Variants in LINGO2 observed in about 807,000 individuals in gnomAD.
The protein encoded by LINGO2 is leucine-rich repeat and immunoglobulin-like domain-containing nogo receptor-interacting protein 2.
A neutral mutation model predicts 30.6 loss-of-function variants in LINGO2; 14 were observed. That is an observed-to-expected ratio of 0.46 (90% CI 0.30 to 0.72). The LOEUF (loss-of-function observed/expected upper bound fraction) is 0.72, where lower values mean the gene tolerates loss of function less well. LINGO2 is among the 30% of genes least tolerant of loss of function. The pLI is 0.07. For missense variants in LINGO2, 729 were observed against 751.7 expected (o/e 0.97, Z 0.35); for synonymous variants, 317 against 288.5 (o/e 1.10, Z -1.00).
chr9:29,077,108 C>T, the LINGO2 span, among the ~76,000 whole-genome samples: 6 of 151,840 alleles, frequency 4.0e-5, no homozygotes, highest in Admixed American at 2.0e-4. Flanking sequence ...TATTTTATAT[C>T]GCTTTACTTA....
At chr9:27,996,154 T>A (rs1030136156) in intron 5 of LINGO2, among the ~76,000 whole-genome samples, 25 of 152,012 alleles carry the variant, frequency 1.6e-4, no homozygotes, top group African/African-American at 6.0e-4. Flanking sequence ...CTGGTAAGGA[T>A]GTTGAGAAAG....
At chr9:28,104,083 AC>A (rs1190339268) in intron 4 of LINGO2, among the ~76,000 whole-genome samples, 1 of 152,030 alleles carries the variant, frequency 6.6e-6, no homozygotes, top group Non-Finnish European at 1.5e-5. Context: ...TCTGCTGGAC[AC>A]AAAAAGCATC....
the LINGO2 span, among the ~76,000 whole-genome samples, chr9:28,858,181 C>T: frequency 6.6e-6 from 1 of 151,904 alleles, no homozygotes; most frequent in Non-Finnish European, 1.5e-5. Context: ...AATCTGAGTC[C>T]TAAAGATTTC....
intron 4 of LINGO2, among the ~76,000 whole-genome samples, chr9:28,283,698 T>C (rs1823406411): frequency 6.6e-6 from 1 of 152,172 alleles, no homozygotes; most frequent in Non-Finnish European, 1.5e-5. Context: ...CTTCTTCATC[T>C]TGAACATATT....
At chr9:29,071,277 A>C in the LINGO2 span, among the ~76,000 whole-genome samples, 1 of 150,528 alleles carries the variant, frequency 6.6e-6, no homozygotes, top group Non-Finnish European at 1.5e-5. Context: ...CTGCAGCCTC[A>C]AACTCCTGAG....
At chr9:28,379,071 T>C (rs1489863537) in intron 2 of LINGO2, among the ~76,000 whole-genome samples, 1 of 152,088 alleles carries the variant, frequency 6.6e-6, no homozygotes, top group Non-Finnish European at 1.5e-5. Flanking sequence ...GCATGGAAAA[T>C]AATATTTTAA....
intron 4 of LINGO2, among the ~76,000 whole-genome samples, chr9:28,153,421 A>C (rs1828051848): frequency 6.6e-6 from 1 of 152,164 alleles, no homozygotes; most frequent in Non-Finnish European, 1.5e-5. Flanking sequence ...GACCTTGTCT[A>C]GATTATTTAT....
chr9:28,039,343 G>C (rs375561089), intron 4 of LINGO2, among the ~76,000 whole-genome samples: 12 of 152,274 alleles, frequency 7.9e-5, no homozygotes, highest in East Asian at 7.7e-4. Flanking sequence ...TATAAACTAA[G>C]TGCAAAGGTG....
chr9:28,949,455 A>G, the LINGO2 span, among the ~76,000 whole-genome samples: 2 of 152,054 alleles, frequency 1.3e-5, no homozygotes, highest in African/African-American at 4.8e-5. Flanking sequence ...AGAAATACAA[A>G]CTACCATCAG....
chr9:29,010,198 A>C, the LINGO2 span, among the ~76,000 whole-genome samples: 1 of 152,186 alleles, frequency 6.6e-6, no homozygotes, highest in Non-Finnish European at 1.5e-5. Flanking sequence ...AATTAAACTA[A>C]AGAGCTTCTG....
chr9:28,556,776 A>T (rs1822725191), intron 1 of LINGO2, among the ~76,000 whole-genome samples: 1 of 152,052 alleles, frequency 6.6e-6, no homozygotes, highest in South Asian at 2.1e-4. Context: ...CCAAAACAGC[A>T]TGGTACTGGT....
At chr9:28,101,618 A>G (rs891537020) in intron 4 of LINGO2, among the ~76,000 whole-genome samples, 1 of 152,130 alleles carries the variant, frequency 6.6e-6, no homozygotes, top group African/African-American at 2.4e-5. Flanking sequence ...AAGCTTTTCA[A>G]TTAAATCTCC....
the LINGO2 span, among the ~76,000 whole-genome samples, chr9:29,016,395 G>A: frequency 6.6e-6 from 1 of 152,132 alleles, no homozygotes; most frequent in Admixed American, 6.6e-5. Context: ...CTGCTTGTGG[G>A]CTTCATCTTT....
the LINGO2 span, among the ~76,000 whole-genome samples, chr9:28,738,423 T>A: frequency 6.6e-6 from 1 of 152,170 alleles, no homozygotes; most frequent in Non-Finnish European, 1.5e-5. Context: ...TGAACTTAGA[T>A]GTTCAGGGAG....
the LINGO2 span, among the ~76,000 whole-genome samples, chr9:28,795,349 C>T: frequency 6.6e-6 from 1 of 152,166 alleles, no homozygotes; most frequent in South Asian, 2.1e-4. Context: ...TTCAATTTGA[C>T]AGTCTTGTAT....
chr9:27,997,731 T>G (rs1821740125), intron 5 of LINGO2, among the ~76,000 whole-genome samples: 1 of 152,232 alleles, frequency 6.6e-6, no homozygotes, highest in Admixed American at 6.5e-5. Flanking sequence ...CTTTTTGCCT[T>G]GTCTGTGAAC....
At chr9:28,309,441 G>A (rs1184312776) in intron 3 of LINGO2, among the ~76,000 whole-genome samples, 2 of 151,234 alleles carry the variant, frequency 1.3e-5, no homozygotes, top group Non-Finnish European at 2.9e-5. Context: ...GTGGGGTGGC[G>A]GGAGGGGGGA....
chr9:28,294,584 G>C (rs1403593102), intron 4 of LINGO2, among the ~76,000 whole-genome samples: 1 of 152,148 alleles, frequency 6.6e-6, no homozygotes, highest in East Asian at 1.9e-4. Flanking sequence ...ATGGTTAACA[G>C]TTGGGAAGAG....
chr9:27,968,803 C>T (rs1433398472), intron 5 of LINGO2, among the ~76,000 whole-genome samples: 1 of 151,690 alleles, frequency 6.6e-6, no homozygotes, highest in Non-Finnish European at 1.5e-5. Context: ...GGCTCCTTTT[C>T]TTTACTACTT....
Sources: allele counts gnomAD v4.1 joint callset (sites outside exome capture counted in the v4.1 genomes callset), GRCh38; gene constraint gnomAD v4.1.1; transcripts MANE v1.5; gene names NCBI Gene and HGNC (gene_info 2026-07-23, HGNC 2026-07-21).